The following HECW1 variants were observed in gnomAD, a reference collection of about 807,000 sequenced individuals.
The protein encoded by HECW1 is E3 ubiquitin-protein ligase HECW1.
In HECW1, 61 loss-of-function variants were observed where a neutral mutation model predicts 182.3. The ratio of observed to expected loss-of-function variants is 0.33; its 90% CI spans 0.27 to 0.41. The LOEUF (loss-of-function observed/expected upper bound fraction) is 0.41. Ranked by LOEUF, HECW1 falls within the 10% of genes least tolerant of loss-of-function variation. The pLI is 1.00. For synonymous variants in HECW1, 859 were observed against 832.6 expected, an observed-to-expected ratio of 1.03 and a Z score of -0.55; for missense variants, 1,739 against 2,108.9, an observed-to-expected ratio of 0.82 and a Z score of 3.44.
At chr7:43,136,911 T>C (rs1233224135) in intron 2 of HECW1, among the ~76,000 whole-genome samples, 1 of 152,178 alleles carries the variant, frequency 6.6e-6, no homozygotes, top group Non-Finnish European at 1.5e-5. Flanking sequence ...GCATTTCAGC[T>C]GAGAAACCCT....
chr7:43,413,764 T>C (rs1167188267), intron 8 of HECW1, among the ~76,000 whole-genome samples: 1 of 133,682 alleles, frequency 7.5e-6, no homozygotes, highest in Non-Finnish European at 1.6e-5. Context: ...CAGATAGTTG[T>C]AGGTATGCGG....
At chr7:43,530,032 C>G (rs1268506352) in intron 24 of HECW1, among the ~76,000 whole-genome samples, 6 of 151,928 alleles carry the variant, frequency 3.9e-5, no homozygotes, top group Non-Finnish European at 8.8e-5. Context: ...TCACTGCAAC[C>G]TCCGCCTCCC....
chr7:43,204,869 C>A (rs1795319017), intron 2 of HECW1, among the ~76,000 whole-genome samples: 1 of 152,114 alleles, frequency 6.6e-6, no homozygotes, highest in Non-Finnish European at 1.5e-5. Context: ...TTGGATCTTA[C>A]CATCCCACAG....
At chr7:43,393,677 C>CT (rs199626474) in intron 6 of HECW1, among the ~76,000 whole-genome samples, 17,711 of 139,184 alleles carry the variant, frequency 0.13, 1,193 homozygotes, top group Middle Eastern at 0.3. Context: ...TTTTCTTCTT[C>CT]TTTTTTTTTT....
intron 19 of HECW1, among the ~76,000 whole-genome samples, chr7:43,493,448 G>A (rs1162932190): frequency 6.6e-6 from 1 of 152,082 alleles, no homozygotes; most frequent in Non-Finnish European, 1.5e-5. Flanking sequence ...GGACAGAAAG[G>A]AAACAAAATA....
chr7:43,285,166 G>A (rs933918322), intron 3 of HECW1, among the ~76,000 whole-genome samples: 1 of 152,134 alleles, frequency 6.6e-6, no homozygotes, highest in African/African-American at 2.4e-5. Flanking sequence ...GTAAAATGCA[G>A]CTCAAGACAA....
chr7:43,311,056 G>T (rs1393793575), intron 3 of HECW1, among the ~76,000 whole-genome samples: 1 of 152,184 alleles, frequency 6.6e-6, no homozygotes, highest in Non-Finnish European at 1.5e-5. Context: ...AGTGCTCAAA[G>T]TTGTAAACAA....
At chr7:43,328,608 G>C (rs540033526) in intron 5 of HECW1, among the ~76,000 whole-genome samples, 1 of 152,340 alleles carries the variant, frequency 6.6e-6, no homozygotes, top group South Asian at 2.1e-4. Flanking sequence ...GGATTCCATT[G>C]CATCTGGGGG....
intron 2 of HECW1, among the ~76,000 whole-genome samples, chr7:43,141,858 C>T (rs1420745035): frequency 6.6e-6 from 1 of 152,180 alleles, no homozygotes; most frequent in Non-Finnish European, 1.5e-5. Flanking sequence ...AAATACAAAT[C>T]CTTCCTAACA....
intron 2 of HECW1, among the ~76,000 whole-genome samples, chr7:43,215,362 A>G (rs1250478370): frequency 6.6e-6 from 1 of 152,262 alleles, no homozygotes; most frequent in Non-Finnish European, 1.5e-5. Context: ...ATGGTTCAGC[A>G]TGGCTGACCC....
chr7:43,313,544 T>A (rs1025497169), intron 4 of HECW1, among the ~76,000 whole-genome samples: 1 of 151,964 alleles, frequency 6.6e-6, no homozygotes, highest in African/African-American at 2.4e-5. Flanking sequence ...TCCATGTTGG[T>A]CAGGCTGGTC....
chr7:43,494,551 T>C (rs1264684634), intron 19 of HECW1, among the ~76,000 whole-genome samples: 1 of 151,884 alleles, frequency 6.6e-6, no homozygotes, highest in Non-Finnish European at 1.5e-5. Flanking sequence ...TTGCCTGGGC[T>C]GAAGTGAGAT....
intron 6 of HECW1, among the ~76,000 whole-genome samples, chr7:43,395,419 C>G (rs887590989): frequency 2.6e-5 from 4 of 152,220 alleles, no homozygotes; most frequent in Non-Finnish European, 4.4e-5. Context: ...GCAAAGGCAG[C>G]TTTAAGACAA....
rs571908328 is a variant in HECW1, at chr7:43,193,324, C to T, written c.-31-50551C>T. ...TTGAGAAACCAGTCCTGCCGAACTC[C>T]TATCTCATGCCCTTTTCCCAAAATA... is the stretch of plus-strand genomic sequence containing the variant. On this transcript the variant is annotated intron_variant, in intron 2 of 29. Coordinates refer to ENST00000395891, the MANE Select transcript of HECW1 (RefSeq NM_015052.5). 9.2e-5 allele frequency among the ~76,000 whole-genome samples: 14 copies of T among 152,266 alleles called. No individual in the cohort carries two copies. The South Asian group carries it at 1.9e-3, about 20-fold the overall frequency.
At chr7:43,357,226 A>T (rs1217437979) in intron 5 of HECW1, among the ~76,000 whole-genome samples, 1 of 152,224 alleles carries the variant, frequency 6.6e-6, no homozygotes, top group Non-Finnish European at 1.5e-5. Flanking sequence ...ATTACAGGGT[A>T]TATAGCAAAA....
At chr7:43,512,708 A>G (rs1352309255) in intron 24 of HECW1, among the ~76,000 whole-genome samples, 1 of 152,214 alleles carries the variant, frequency 6.6e-6, no homozygotes, top group East Asian at 1.9e-4. Context: ...TTGGTTTGCT[A>G]TGGAGGAATA....
At chr7:43,301,207 C>G (rs939065896) in intron 3 of HECW1, among the ~76,000 whole-genome samples, 9 of 152,226 alleles carry the variant, frequency 5.9e-5, no homozygotes, top group African/African-American at 2.2e-4. Flanking sequence ...TGGCAGACAG[C>G]TAAGAGGAGC....
intron 24 of HECW1, among the ~76,000 whole-genome samples, chr7:43,538,239 A>G (rs1159798264): frequency 6.6e-6 from 1 of 152,162 alleles, no homozygotes; most frequent in Non-Finnish European, 1.5e-5. Context: ...ATGAGCTTAG[A>G]GGAGCCAAAG....
chr7:43,537,344 A>G (rs906728997), intron 24 of HECW1, among the ~76,000 whole-genome samples: 2 of 152,214 alleles, frequency 1.3e-5, no homozygotes, highest in African/African-American at 4.8e-5. Context: ...TTTTGCTTAA[A>G]TTATTGGGAT....
Sources: allele counts gnomAD v4.1 joint callset (sites outside exome capture counted in the v4.1 genomes callset), GRCh38; gene constraint gnomAD v4.1.1; transcripts MANE v1.5; gene names NCBI Gene and HGNC (gene_info 2026-07-23, HGNC 2026-07-21).